The following PAPPA variants were observed in gnomAD, a reference collection of about 807,000 sequenced individuals.
PAPPA encodes pappalysin 1, also known as pappalysin-1.
In PAPPA, 60 loss-of-function variants were observed where a neutral mutation model predicts 164.0. That is an observed-to-expected ratio of 0.37 (90% confidence interval 0.30 to 0.45). PAPPA has a LOEUF of 0.45. Among genes scored for constraint, PAPPA ranks in the 20% least tolerant of loss-of-function variants. The pLI, the probability that PAPPA is intolerant of heterozygous loss-of-function variation, is 1.00. For missense variants in PAPPA, 1,782 were observed against 2,087.3 expected (o/e 0.85, Z 2.85); for synonymous variants, 875 against 814.1 (o/e 1.07, Z -1.27).
intron 4 of PAPPA, among the ~76,000 whole-genome samples, chr9:116,216,845 G>A (rs1197209789): frequency 2.0e-5 from 3 of 152,012 alleles, no homozygotes; most frequent in Non-Finnish European, 2.9e-5. Context: ...AGGTTCAAGC[G>A]ATTTGCCTGC....
chr9:116,356,534 C>A (rs896877356), intron 17 of PAPPA, among the ~76,000 whole-genome samples: 1 of 152,218 alleles, frequency 6.6e-6, no homozygotes, highest in Non-Finnish European at 1.5e-5. Flanking sequence ...CCTCTGCTGG[C>A]TAGCTCTAAA....
chr9:116,400,856 T>G lies in PAPPA; in HGVS notation c.*4240T>G, dbSNP rs1432332746. 6.6e-6 allele frequency: 1 copy of G among 152,642 alleles called. No homozygotes were observed. The highest frequency in any genetic ancestry group is 1.5e-5 in the Non-Finnish European group (1 of 68,028). 9.5% of individuals were successfully genotyped at this position (152,642 alleles called of 1,614,324 possible). Reference sequence around the variant, plus strand: ...TTTTTGACTCCAGGCAGCAGTTTGCTCAGTGATCTTGAACAAGTTATCCAA... The same window carrying G: ...TTTTTGACTCCAGGCAGCAGTTTGCGCAGTGATCTTGAACAAGTTATCCAA... On this transcript the variant is annotated 3_prime_UTR_variant, in exon 22 of 22. Transcript: ENST00000328252.
chr9:116,382,898 G>A (rs1350473285), intron 21 of PAPPA, among the ~76,000 whole-genome samples: 1 of 152,132 alleles, frequency 6.6e-6, no homozygotes, highest in Non-Finnish European at 1.5e-5. Flanking sequence ...TCTGGAGCAG[G>A]AGACTGGCAT....
chr9:116,254,801 A>AAG (rs1256022817), intron 7 of PAPPA, among the ~76,000 whole-genome samples: 3 of 147,208 alleles, frequency 2.0e-5, no homozygotes, highest in Non-Finnish European at 3.0e-5. Flanking sequence ...AAAAAAAAAA[A>AAG]AGAGAGAAAG....
At chr9:116,332,054 T>A (rs1186462158) in intron 11 of PAPPA, among the ~76,000 whole-genome samples, 1 of 152,094 alleles carries the variant, frequency 6.6e-6, no homozygotes, top group Non-Finnish European at 1.5e-5. Context: ...AATCCACCAT[T>A]TGGAAATAAT....
intron 2 of PAPPA, among the ~76,000 whole-genome samples, chr9:116,200,424 G>C (rs1347679169): frequency 6.6e-6 from 1 of 152,150 alleles, no homozygotes; most frequent in African/African-American, 2.4e-5. Context: ...CAGACTAGGG[G>C]TTGTGTCCCC....
Position 116,282,082 on chromosome 9 carries a change from C to T in PAPPA, c.2953+10666C>T, listed in dbSNP as rs1035640025. Among the ~76,000 whole-genome samples the T allele has an allele frequency of 3.3e-5, 5 of 152,202 alleles. No individual in the cohort carries two copies. The South Asian group carries it at 8.3e-4, about 25-fold the overall frequency. On this transcript the variant is annotated intron_variant, in intron 9 of 21. Coordinates refer to ENST00000328252, the MANE Select transcript of PAPPA (RefSeq NM_002581.5). ...CAAGAAGGAGCCAGTGAGAAATATA[C>T]AGTCATCCCTCAGTATCCTTGGGCG...
At chr9:116,266,046 G>C in intron 8 of PAPPA, 61 bp downstream of exon 8, 1 of 1,476,926 alleles carries the variant, frequency 6.8e-7, no homozygotes, top group South Asian at 1.3e-5. Context: ...GAGATGGTTA[G>C]GGTGCTGAAC....
At chr9:116,300,023 C>A (rs1845559649) in intron 9 of PAPPA, among the ~76,000 whole-genome samples, 1 of 152,026 alleles carries the variant, frequency 6.6e-6, no homozygotes, top group African/African-American at 2.4e-5. Context: ...CTTTTCAGTT[C>A]TCTGTATTGG....
intron 4 of PAPPA, among the ~76,000 whole-genome samples, chr9:116,214,045 G>A (rs765116678): frequency 6.6e-6 from 1 of 152,120 alleles, no homozygotes; most frequent in Non-Finnish European, 1.5e-5. Context: ...ATCACTGGTA[G>A]GGTAAAGGTT....
chr9:116,188,139 C>T lies in PAPPA; in HGVS notation c.1401C>T (p.Asn467=). 6.2e-7 allele frequency: 1 copy of T among 1,614,216 alleles called. No homozygotes were observed. Among genetic ancestry groups the T allele is most frequent in the Admixed American group, 1.7e-5 (1 of 60,030 alleles). ...CDMDCNYERF[N]FDGGECCDPE... is the part of the protein sequence containing the mutation. ...TGGACTGCAACTATGAACGGTTCAA[C>T]TTTGATGGTGGAGAGTGCTGTGACC... The change falls in exon 2 of 22, where the codon AAC becomes AAT. Residue 467 remains asparagine, a synonymous_variant. Coordinates refer to ENST00000328252, the MANE Select transcript of PAPPA (RefSeq NM_002581.5).
chr9:116,213,729 A>G (rs1844338045), intron 4 of PAPPA, among the ~76,000 whole-genome samples: 2 of 151,926 alleles, frequency 1.3e-5, no homozygotes, highest in Non-Finnish European at 2.9e-5. Flanking sequence ...TTTTAAAGGA[A>G]CCCCTCAGCT....
chr9:116,225,607 C>A (rs1476571954), intron 5 of PAPPA, among the ~76,000 whole-genome samples: 10 of 152,170 alleles, frequency 6.6e-5, no homozygotes, highest in Admixed American at 2.0e-4. Flanking sequence ...GCAATAACTG[C>A]TTGGCATTCC....
chr9:116,354,475 G>A (rs941078782), intron 17 of PAPPA, among the ~76,000 whole-genome samples: 1 of 152,190 alleles, frequency 6.6e-6, no homozygotes, highest in Non-Finnish European at 1.5e-5. Flanking sequence ...TGTTTCACAG[G>A]TGTGCAAGGA....
chr9:116,160,890 C>T (rs1165204615), intron 1 of PAPPA, among the ~76,000 whole-genome samples: 1 of 152,308 alleles, frequency 6.6e-6, no homozygotes, highest in Non-Finnish European at 1.5e-5. Context: ...AGGAGGTCAG[C>T]GTTCAGGTCC....
chr9:116,266,449 T>C (rs1845068876), intron 8 of PAPPA, among the ~76,000 whole-genome samples: 1 of 152,208 alleles, frequency 6.6e-6, no homozygotes, highest in South Asian at 2.1e-4. Flanking sequence ...TATACAACAA[T>C]TTACAAAATG....
At chr9:116,223,291 AAGC>A (rs1844467541) in intron 5 of PAPPA, among the ~76,000 whole-genome samples, 1 of 152,206 alleles carries the variant, frequency 6.6e-6, no homozygotes, top group Non-Finnish European at 1.5e-5. Flanking sequence ...ACTTTTGGTC[AAGC>A]CTTGGCCTCC....
At chr9:116,258,807 G>C (rs1844966522) in intron 7 of PAPPA, among the ~76,000 whole-genome samples, 1 of 152,052 alleles carries the variant, frequency 6.6e-6, no homozygotes, top group Admixed American at 6.6e-5. Context: ...ATATTTGGGG[G>C]GAAAAACAAT....
At chr9:116,354,929 C>T (rs1267842735) in intron 17 of PAPPA, among the ~76,000 whole-genome samples, 1 of 151,422 alleles carries the variant, frequency 6.6e-6, no homozygotes, top group Non-Finnish European at 1.5e-5. Context: ...ATGGATTTTC[C>T]CCCCACACCT....
Sources: gnomAD v4.1 joint callset for allele counts (sites outside exome capture counted in the v4.1 genomes callset) on GRCh38, gnomAD v4.1.1 for gene constraint, MANE v1.5 for transcripts, NCBI Gene and HGNC (gene_info 2026-07-23, HGNC 2026-07-21) for gene names.